Variants in MYO9A observed in about 807,000 individuals in gnomAD.
MYO9A encodes the protein unconventional myosin-IXa.
Under a neutral mutation model 293.3 loss-of-function variants are expected in MYO9A, and 103 were observed. That is an observed-to-expected ratio of 0.35 (90% CI 0.30 to 0.41). MYO9A has a LOEUF of 0.41. MYO9A is among the 10% of genes least tolerant of loss of function. The probability of loss-of-function intolerance (pLI) is 1.00; values close to 1 mark genes in which losing one functional copy is unlikely to be tolerated. For missense variants in MYO9A, 2,685 were observed against 3,033.0 expected (o/e 0.89, Z 2.69); for synonymous variants, 1,001 against 1,035.7 (o/e 0.97, Z 0.64).
At chr15:72,041,912 G>A (rs1167248901) in intron 2 of MYO9A, among the ~76,000 whole-genome samples, 1 of 149,170 alleles carries the variant, frequency 6.7e-6, no homozygotes, top group Non-Finnish European at 1.5e-5. Context: ...ATAATCACAT[G>A]AATAACTCTA....
At chr15:71,978,694 T>G (rs918962635) in intron 11 of MYO9A, among the ~76,000 whole-genome samples, 5 of 151,980 alleles carry the variant, frequency 3.3e-5, no homozygotes, top group Non-Finnish European at 7.4e-5. Flanking sequence ...AAACAATTTC[T>G]GGGAAAAGTG....
At chr15:71,966,673 C>G (rs960033705) in intron 13 of MYO9A, among the ~76,000 whole-genome samples, 8 of 152,116 alleles carry the variant, frequency 5.3e-5, no homozygotes, top group Non-Finnish European at 1.5e-5. Flanking sequence ...CTGGATCCCC[C>G]CCAACCTCTA....
At chr15:72,027,663 G>T in intron 4 of MYO9A, 68 bp downstream of exon 4, 1 of 1,199,026 alleles carries the variant, frequency 8.3e-7, no homozygotes, top group African/African-American at 1.5e-5. Context: ...AATACACAAA[G>T]ACCTTAAAAG....
intron 28 of MYO9A, among the ~76,000 whole-genome samples, chr15:71,882,832 T>C (rs1276128023): frequency 6.6e-6 from 1 of 151,970 alleles, no homozygotes; most frequent in Non-Finnish European, 1.5e-5. Context: ...TGAGACAGGG[T>C]CTCACTCTTT....
intron 15 of MYO9A, among the ~76,000 whole-genome samples, chr15:71,949,078 G>C (rs567514859): frequency 6.6e-6 from 1 of 152,078 alleles, no homozygotes; most frequent in African/African-American, 2.4e-5. Flanking sequence ...ATCTTTTCCA[G>C]GCTGCTTTCA....
intron 15 of MYO9A, among the ~76,000 whole-genome samples, chr15:71,948,891 TC>T (rs1321422970): frequency 7.4e-5 from 11 of 148,782 alleles, no homozygotes; most frequent in Non-Finnish European, 1.5e-4. Flanking sequence ...TTTTCTTCTG[TC>T]AGTTAATCTG....
chr15:72,095,753 C>T (rs1222791368), intron 1 of MYO9A, among the ~76,000 whole-genome samples: 1 of 82,350 alleles, frequency 1.2e-5, no homozygotes, highest in African/African-American at 2.7e-5. Context: ...TGCTCATTGA[C>T]CATTCTGAAA....
At chr15:71,907,976 T>C (rs2144190312) in intron 19 of MYO9A, among the ~76,000 whole-genome samples, 1 of 152,354 alleles carries the variant, frequency 6.6e-6, no homozygotes, top group African/African-American at 2.4e-5. Context: ...ATTTTGGCTT[T>C]TGTTGCCATT....
intron 32 of MYO9A, among the ~76,000 whole-genome samples, chr15:71,875,377 T>C (rs1485137689): frequency 6.6e-6 from 1 of 152,108 alleles, no homozygotes; most frequent in African/African-American, 2.4e-5. Context: ...TTGTATATAT[T>C]GTGTGATTGT....
chr15:71,865,520 A>G (rs994107723), intron 32 of MYO9A, among the ~76,000 whole-genome samples: 12 of 152,206 alleles, frequency 7.9e-5, no homozygotes, highest in African/African-American at 2.9e-4. Context: ...GAACCTTGAA[A>G]ACATTATGCT....
intron 1 of MYO9A, among the ~76,000 whole-genome samples, chr15:72,078,121 C>A (rs923944569): frequency 1.3e-5 from 2 of 152,070 alleles, no homozygotes; most frequent in East Asian, 3.9e-4. Flanking sequence ...TTTGGCAGTT[C>A]TTACAAAACT....
At chr15:72,056,400 T>C (rs2078719272) in intron 1 of MYO9A, among the ~76,000 whole-genome samples, 1 of 152,218 alleles carries the variant, frequency 6.6e-6, no homozygotes, top group Admixed American at 6.5e-5. Flanking sequence ...CATGGAATAC[T>C]ACTCAGCCAT....
rs2054495328 is a variant in MYO9A at position 71,826,219 on chromosome 15, A to ATGAG, written c.*357_*360dup. Reference sequence around the variant, plus strand: ...TATACGTTTTCTTCAAATGTCAGAAATGAGAGGGTCCCTCAGGACAGCAAT... The same window carrying ATGAG: ...TATACGTTTTCTTCAAATGTCAGAAATGAGTGAGAGGGTCCCTCAGGACAGCAAT... On this transcript the variant is annotated 3_prime_UTR_variant, in exon 42 of 42. Coordinates refer to ENST00000356056, the MANE Select transcript of MYO9A (RefSeq NM_006901.4). 1 of 191,748 alleles carries ATGAG rather than the reference A, an allele frequency of 5.2e-6. No individual in the cohort carries two copies. The highest frequency in any genetic ancestry group is 1.1e-5 in the Non-Finnish European group (1 of 94,458). The allele number at this position is 191,748 out of a possible 1,614,324, so 11.9% of individuals were successfully genotyped here.
At position 71,830,243 on chromosome 15, in the gene MYO9A, A is replaced by G. The variant is rs1595981688; in HGVS notation, c.6906T>C (p.Ser2302=). ...AGGTCTCCTCTGAGACATCAGACAC[A>G]GAAGGCAACCGAACTACAACAGGAG... The part of the protein sequence containing the change: ...PSSPVVVRLP[S]VSDVSEETLT... The change falls in exon 40 of 42, where the codon TCT becomes TCC. Residue 2302 remains serine (S), a synonymous_variant. Transcript: ENST00000356056. The G allele has an allele frequency of 1.2e-6, 2 of 1,614,140 alleles. No homozygotes were observed. Among genetic ancestry groups the G allele is most frequent in the Non-Finnish European group, 1.7e-6 (2 of 1,179,996 alleles).
chr15:71,941,603 AT>A (rs2058776884), intron 15 of MYO9A, among the ~76,000 whole-genome samples: 3 of 152,234 alleles, frequency 2.0e-5, no homozygotes, highest in Non-Finnish European at 1.5e-5. Context: ...AGCAGAAAAA[AT>A]TTTTGAAAAA....
chr15:72,079,477 A>G (rs973824897), intron 1 of MYO9A, among the ~76,000 whole-genome samples: 5 of 152,222 alleles, frequency 3.3e-5, no homozygotes, highest in African/African-American at 1.2e-4. Flanking sequence ...CTGAAGATGA[A>G]TATCGAAAAA....
intron 26 of MYO9A, chr15:71,889,690 G>A (rs1227341235): frequency 6.6e-6 from 1 of 151,710 alleles, no homozygotes; most frequent in African/African-American, 2.4e-5. Flanking sequence ...TAAGAAAAAA[G>A]GGTTTACCAA....
chr15:71,862,967 G>A (rs1220779238), intron 32 of MYO9A, among the ~76,000 whole-genome samples: 13 of 130,604 alleles, frequency 1.0e-4, no homozygotes, highest in Admixed American at 1.7e-4. Context: ...TTGCTATGTT[G>A]CCCAGGCTGG....
At chr15:72,079,927 T>C (rs1239034037) in intron 1 of MYO9A, among the ~76,000 whole-genome samples, 1 of 152,194 alleles carries the variant, frequency 6.6e-6, no homozygotes, top group Non-Finnish European at 1.5e-5. Flanking sequence ...AAAAAGTATT[T>C]AAAAGTTTAA....
Sources: allele counts gnomAD v4.1 joint callset (sites outside exome capture counted in the v4.1 genomes callset), GRCh38; gene constraint gnomAD v4.1.1; transcripts MANE v1.5; gene names NCBI Gene and HGNC (gene_info 2026-07-23, HGNC 2026-07-21).